YY1AP1: variants seen among roughly 807,000 people sequenced by gnomAD.
YY1AP1 encodes the protein YY1 associated protein 1.
In YY1AP1, 43 loss-of-function variants were observed where a neutral mutation model predicts 39.9. The observed-to-expected ratio is 1.08, with a 90% CI of 0.84 to 1.39. The LOEUF (loss-of-function observed/expected upper bound fraction) is 1.39. Among genes scored for constraint, YY1AP1 ranks in the 40% most tolerant of loss-of-function variants. The probability of loss-of-function intolerance (pLI) is 0.00; values close to 1 mark genes in which losing one functional copy is unlikely to be tolerated. For synonymous variants in YY1AP1, 292 were observed against 331.3 expected (o/e 0.88, Z 1.29); for missense variants, 813 against 900.7 (o/e 0.90, Z 1.25).
intron 8 of YY1AP1, among the ~76,000 whole-genome samples, chr1:155,669,147 C>G (rs922946345): frequency 6.6e-6 from 1 of 152,238 alleles, no homozygotes; most frequent in Non-Finnish European, 1.5e-5. Context: ...GATTCCCGCA[C>G]TTCAGCCTCC....
intron 9 of YY1AP1, among the ~76,000 whole-genome samples, chr1:155,662,600 G>A (rs922893340): frequency 6.6e-6 from 1 of 152,114 alleles, no homozygotes; most frequent in Non-Finnish European, 1.5e-5. Context: ...TATATCCTAG[G>A]CACTGTGCTA....
Position 155,674,176 on chromosome 1 carries a change from AAAAAAAAAAGCTC to A in YY1AP1, c.411+821_411+833del, listed in dbSNP as rs1363931865. ...ACTCCGTCTCAAAAAAAAAAAAAAA[AAAAAAAAAAGCTC>A]AAAATACCTCAAAACGTCATGAGCA... On this transcript the variant is annotated intron_variant, in intron 6 of 10. Coordinates refer to ENST00000355499, the MANE Select transcript of YY1AP1 (RefSeq NM_139119.3). Among the ~76,000 whole-genome samples the A allele has an allele frequency of 1.5e-3, 204 of 135,942 alleles. 1 individual carries two copies. Among genetic ancestry groups the A allele is most frequent in the African/African-American group, 4.4e-3 (172 of 39,074 alleles). 89.2% of individuals were successfully genotyped at this position (135,942 alleles called of 152,430 possible).
At chr1:155,686,731 G>C (rs763166842) in intron 2 of YY1AP1, among the ~76,000 whole-genome samples, 23 of 152,188 alleles carry the variant, frequency 1.5e-4, no homozygotes, top group Non-Finnish European at 2.8e-4. Context: ...TGTCAGAAAT[G>C]CTCTGCTTCC....
At chr1:155,688,529 A>G in intron 1 of YY1AP1, 130 bp downstream of exon 1, 1 of 1,543,778 alleles carries the variant, frequency 6.5e-7, no homozygotes, top group Non-Finnish European at 8.7e-7. Context: ...TGCTCCCACC[A>G]ACCACCACCT....
At chr1:155,671,437 A>G (rs1294893629) in intron 7 of YY1AP1, among the ~76,000 whole-genome samples, 1 of 152,044 alleles carries the variant, frequency 6.6e-6, no homozygotes, top group Non-Finnish European at 1.5e-5. Flanking sequence ...TCTTAAAAAA[A>G]AAAAAAAGAA....
At chr1:155,676,451 T>G in intron 5 of YY1AP1, 97 bp downstream of exon 5, 1 of 1,430,368 alleles carries the variant, frequency 7.0e-7, no homozygotes, top group Non-Finnish European at 9.8e-7. Context: ...GGTAACTATC[T>G]CTGACATTTA....
intron 5 of YY1AP1, 66 bp from the exon 6 acceptor site, chr1:155,675,162 A>T: frequency 6.8e-7 from 1 of 1,472,644 alleles, no homozygotes; most frequent in Non-Finnish European, 9.4e-7. Context: ...GCCCAGAGAT[A>T]TTTTTTTTTC....
intron 2 of YY1AP1, among the ~76,000 whole-genome samples, chr1:155,684,462 C>G (rs1651942228): frequency 6.6e-6 from 1 of 152,102 alleles, no homozygotes; most frequent in Non-Finnish European, 1.5e-5. Flanking sequence ...TATACAGGGG[C>G]CATGTCAATA....
rs556204470 is a variant in YY1AP1, at chr1:155,688,713, C to G, written c.-206G>C. The G allele has an allele frequency of 1.3e-6, 2 of 1,520,914 alleles. No homozygotes were observed. Among genetic ancestry groups the G allele is most frequent in the South Asian group, 2.4e-5 (2 of 82,212 alleles). 94.2% of individuals were successfully genotyped at this position (1,520,914 alleles called of 1,614,324 possible). A position where few individuals can be genotyped will look rare whatever the true frequency, so the allele number is the denominator to read the frequency against. On this transcript the variant is annotated 5_prime_UTR_variant, in exon 1 of 11. Transcript: ENST00000355499. The stretch of plus-strand genomic sequence containing the variant: ...ACCTCCTCTTCTCTCCTCCCCCTCC[C>G]TCCCCGCCCGCACGGCCACCAACCG...
At chr1:155,686,031 T>C (rs1183567909) in intron 2 of YY1AP1, among the ~76,000 whole-genome samples, 1 of 134,600 alleles carries the variant, frequency 7.4e-6, no homozygotes, top group Non-Finnish European at 1.6e-5. Context: ...TCAGTCTTTT[T>C]TTTTTTTTTT....
chr1:155,667,899 T>C (rs574352218), intron 9 of YY1AP1, among the ~76,000 whole-genome samples: 132 of 137,336 alleles, frequency 9.6e-4, no homozygotes, highest in Non-Finnish European at 1.8e-3. Flanking sequence ...CGAAACTCCA[T>C]CTCAATACAT....
chr1:155,663,986 C>T (rs1648561225), intron 9 of YY1AP1, among the ~76,000 whole-genome samples: 1 of 147,906 alleles, frequency 6.8e-6, no homozygotes, highest in Non-Finnish European at 1.5e-5. Context: ...ACCAGCCTGG[C>T]CAACATAACG....
intron 9 of YY1AP1, among the ~76,000 whole-genome samples, chr1:155,666,845 T>C (rs1487825325): frequency 2.6e-5 from 4 of 151,940 alleles, no homozygotes; most frequent in African/African-American, 9.7e-5. Flanking sequence ...ACTAAAAATA[T>C]AAAAATTAGC....
chr1:155,674,242 T>C (rs1361521320), intron 6 of YY1AP1, among the ~76,000 whole-genome samples: 2 of 148,198 alleles, frequency 1.3e-5, no homozygotes, highest in Non-Finnish European at 1.5e-5. Flanking sequence ...AAAACACTAA[T>C]ATTGAGCTTC....
chr1:155,665,636 G>A (rs1371041738), intron 9 of YY1AP1, among the ~76,000 whole-genome samples: 1 of 150,010 alleles, frequency 6.7e-6, no homozygotes, highest in Non-Finnish European at 1.5e-5. Flanking sequence ...AACAAGGCCA[G>A]GCGTGGTGTC....
intron 3 of YY1AP1, chr1:155,679,894 A>T: frequency 1.4e-6 from 1 of 726,942 alleles, no homozygotes; most frequent in Admixed American, 4.8e-5. Flanking sequence ...AAGCCATCAA[A>T]AGTTTTCAAG....
chr1:155,660,218 A>C lies in YY1AP1; in HGVS notation c.1692T>G (p.Ile564Met). 1.9e-6 allele frequency: 3 copies of C among 1,614,186 alleles called. No individual in the cohort carries two copies. Among genetic ancestry groups the C allele is most frequent in the Non-Finnish European group, 2.5e-6 (3 of 1,180,026 alleles). Residue 564 changes from isoleucine (I) to methionine (M), a missense_variant, in exon 11 of 11, where the codon ATT becomes ATG. By Grantham distance (10) the Ile-to-Met change is conservative. Around this residue, in one of 3 missense-constraint regions of YY1AP1, gnomAD observed 586 missense variants for 647.4 expected, o/e 0.91. Transcript: ENST00000355499. ...IFTVPATTVKIVSLGGGCNMI... is the reference protein window; with the variant it reads ...IFTVPATTVKMVSLGGGCNMI... ...TGTTACAGCCACCGCCAAGGCTCAC[A>C]ATCTTCACAGTGGTAGCAGGAACAG...
chr1:155,668,841 G>A, intron 8 of YY1AP1, 64 bp from the exon 9 acceptor site: 1 of 1,609,016 alleles, frequency 6.2e-7, no homozygotes, highest in Non-Finnish European at 8.5e-7. Context: ...GGCCTCCCCA[G>A]ACTAACACAT....
chr1:155,669,865 CA>C (rs927264187), intron 8 of YY1AP1, among the ~76,000 whole-genome samples: 1 of 151,712 alleles, frequency 6.6e-6, no homozygotes, highest in African/African-American at 2.4e-5. Context: ...CTCACCTGTA[CA>C]AAAAAAATCA....
Sources: allele counts gnomAD v4.1 joint callset (sites outside exome capture counted in the v4.1 genomes callset), GRCh38; gene constraint gnomAD v4.1.1; regional missense constraint gnomAD v4.1.1; transcripts MANE v1.5; gene names NCBI Gene and HGNC (gene_info 2026-07-23, HGNC 2026-07-21).